Variants in ATXN7 observed in about 807,000 individuals in gnomAD.
ATXN7 encodes the protein ataxin 7.
ATXN7 carries 12 observed loss-of-function variants against 70.5 expected under a neutral mutation model. That is an observed-to-expected ratio of 0.17 (90% CI 0.11 to 0.28). The LOEUF (loss-of-function observed/expected upper bound fraction) is 0.28. Among genes scored for constraint, ATXN7 ranks in the 10% least tolerant of loss-of-function variants. The pLI is 1.00. For missense variants in ATXN7, 1,256 were observed against 1,131.7 expected (o/e 1.11, Z -1.58); for synonymous variants, 498 against 448.7 (o/e 1.11, Z -1.39).
intron 4 of ATXN7, among the ~76,000 whole-genome samples, chr3:63,945,483 T>A (rs556170265): frequency 6.6e-6 from 1 of 152,342 alleles, no homozygotes; most frequent in African/African-American, 2.4e-5. Flanking sequence ...TGTCACTGAA[T>A]GGCATACCCA....
chr3:63,966,624 A>G lies in ATXN7; in HGVS notation c.500-13291A>G, dbSNP rs2075228160. Among the ~76,000 whole-genome samples the G allele has an allele frequency of 2.0e-5, 3 of 152,124 alleles. No homozygotes were observed. The South Asian group carries it at 6.2e-4, about 32-fold the overall frequency. On this transcript the variant is annotated intron_variant, in intron 5 of 12. Transcript: ENST00000674280. Reference sequence around the variant, plus strand: ...CCCCCTGGGTCTTAGTATTGTTGACATGGGTTGGGATCTGAATCCTTGTGA... The same window carrying G: ...CCCCCTGGGTCTTAGTATTGTTGACGTGGGTTGGGATCTGAATCCTTGTGA...
At chr3:63,997,900 T>C in intron 12 of ATXN7, 1 of 985,368 alleles carries the variant, frequency 1.0e-6, no homozygotes, top group Non-Finnish European at 1.2e-6. Context: ...GCATGCATTA[T>C]GGGTTATTAT....
At chr3:63,889,825 C>G (rs1160010631) in intron 1 of ATXN7, among the ~76,000 whole-genome samples, 2 of 152,192 alleles carry the variant, frequency 1.3e-5, no homozygotes, top group Non-Finnish European at 2.9e-5. Context: ...GGTAATCTTG[C>G]AACTAGCAAA....
chr3:63,917,023 G>T, intron 4 of ATXN7, among the ~76,000 whole-genome samples: 1 of 152,008 alleles, frequency 6.6e-6, no homozygotes, highest in African/African-American at 2.4e-5. Context: ...GGGTTCAAGC[G>T]ATTCTCCTAC....
chr3:63,940,402 T>C (rs2074737896), intron 4 of ATXN7, among the ~76,000 whole-genome samples: 1 of 151,354 alleles, frequency 6.6e-6, no homozygotes, highest in Non-Finnish European at 1.5e-5. Flanking sequence ...TAAAGACAGG[T>C]CAGTAGCCAA....
intron 1 of ATXN7, among the ~76,000 whole-genome samples, chr3:63,888,241 T>G (rs1703146536): frequency 6.6e-6 from 1 of 152,182 alleles, no homozygotes; most frequent in African/African-American, 2.4e-5. Context: ...AACATGGTTT[T>G]GGCTATTTTT....
intron 1 of ATXN7, among the ~76,000 whole-genome samples, chr3:63,876,189 C>A (rs1383033137): frequency 2.0e-5 from 3 of 152,064 alleles, no homozygotes; most frequent in African/African-American, 4.8e-5. Context: ...GAGTAAAGTT[C>A]TACATTGAAA....
chr3:63,985,394 C>G (rs1385340559), intron 8 of ATXN7, among the ~76,000 whole-genome samples: 1 of 152,216 alleles, frequency 6.6e-6, no homozygotes, highest in Non-Finnish European at 1.5e-5. Context: ...GTCATGAGAT[C>G]AGCATAGAAC....
intron 5 of ATXN7, among the ~76,000 whole-genome samples, chr3:63,971,789 T>G (rs1257192152): frequency 6.6e-6 from 1 of 152,180 alleles, no homozygotes; most frequent in Non-Finnish European, 1.5e-5. Flanking sequence ...AAAAATATAT[T>G]AAGTAAATAA....
In ATXN7 at chr3:63,980,327, C is replaced by T. The variant is rs150188941; in HGVS notation, c.752+160C>T. Reference sequence around the variant, plus strand: ...GTTTCTTGATGTTTCCCTGTCATGTCATAGGAAACTTTTCAGAGTAGTAAT... The same window carrying T: ...GTTTCTTGATGTTTCCCTGTCATGTTATAGGAAACTTTTCAGAGTAGTAAT... On this transcript the variant is annotated intron_variant, in intron 6 of 12. Coordinates refer to ENST00000674280, the MANE Select transcript of ATXN7 (RefSeq NM_001377405.1). 3 of 1,018,364 alleles carry T rather than the reference C, an allele frequency of 2.9e-6. No homozygotes were observed. In the Admixed American group the frequency reaches 8.4e-5, roughly 29 times the overall value. 63.1% of individuals were successfully genotyped at this position (1,018,364 alleles called of 1,614,324 possible).
intron 1 of ATXN7, chr3:63,878,361 T>C (rs1198337347): frequency 1.3e-5 from 2 of 152,242 alleles, no homozygotes; most frequent in Admixed American, 6.5e-5. Context: ...TAGAGAATTG[T>C]AAGCGTTGGC....
Position 63,912,595 on chromosome 3 carries a change from A to G in ATXN7, c.-4A>G. 9.0e-7 allele frequency: 1 copy of G among 1,105,020 alleles called. No individual in the cohort carries two copies. Among genetic ancestry groups the G allele is most frequent in the South Asian group, 2.5e-5 (1 of 40,652 alleles). The allele number at this position is 1,105,020 out of a possible 1,614,324, so 68.5% of individuals were successfully genotyped here. On this transcript the variant is annotated 5_prime_UTR_variant, in exon 3 of 13. Transcript: ENST00000674280. ...TTTTTTGTTACATTGTAGGAGCGGA[A>G]AGAATGTCGGAGCGGGCCGCGGATG...
intron 4 of ATXN7, among the ~76,000 whole-genome samples, chr3:63,948,512 G>T (rs2074902927): frequency 6.6e-6 from 1 of 152,138 alleles, no homozygotes; most frequent in Non-Finnish European, 1.5e-5. Context: ...GTAGAAGTTT[G>T]GGATGCGTGG....
At chr3:63,976,852 T>C (rs1559653384) in intron 5 of ATXN7, among the ~76,000 whole-genome samples, 2 of 152,030 alleles carry the variant, frequency 1.3e-5, no homozygotes, top group South Asian at 2.1e-4. Context: ...CAGAAAAACA[T>C]AGGAACCTAA....
At position 63,996,350 on chromosome 3, in the gene ATXN7, C is replaced by T. The variant is rs376606208; in HGVS notation, c.2528C>T (p.Ser843Leu). 42 of 1,614,012 alleles carry T rather than the reference C, an allele frequency of 2.6e-5. No homozygotes were observed. Among genetic ancestry groups the T allele is most frequent in the Admixed American group, 2.3e-4 (14 of 59,994 alleles). ...AAGAAAAGAAAGTGCTCACCCAGCT[C>T]GAGCAGCATCAACAACAGCAGCAGC... Reference protein sequence around the residue: ...IGKKRKCSPSSSSINNSSSKP... With the variant: ...IGKKRKCSPSLSSINNSSSKP... The change falls in exon 12 of 13, where the codon TCG becomes TTG. Residue 843 changes from serine to leucine, a missense_variant. Ser to Leu is a moderately radical substitution (Grantham distance 145). Transcript: ENST00000674280.
chr3:63,994,387 AC>A (rs1343451989), intron 11 of ATXN7, among the ~76,000 whole-genome samples: 13 of 152,100 alleles, frequency 8.5e-5, no homozygotes, highest in Admixed American at 7.2e-4. Flanking sequence ...GGTGCACACC[AC>A]CATGCCCGGC....
chr3:63,919,060 C>CT (rs930666820), intron 4 of ATXN7, among the ~76,000 whole-genome samples: 9 of 152,230 alleles, frequency 5.9e-5, no homozygotes, highest in African/African-American at 2.2e-4. Context: ...GTAGCAGGGA[C>CT]TTTTCCCCAG....
In ATXN7 at chr3:63,913,076, C is replaced by T. The variant is rs893539558; in HGVS notation, c.326-81C>T. ...CGGAACGCGGAGGTGCCCACACCTA[C>T]CCCGTGCGTGCGTGAGTGTGCGTCA... On this transcript the variant is annotated intron_variant, in intron 3 of 12. Transcript: ENST00000674280. 6.6e-6 allele frequency: 10 copies of T among 1,506,452 alleles called. No homozygotes were observed. In the African/African-American group the frequency reaches 1.4e-4, roughly 21 times the overall value. The allele number at this position is 1,506,452 out of a possible 1,614,324, so 93.3% of individuals were successfully genotyped here.
chr3:63,971,263 C>T (rs898990777), intron 5 of ATXN7, among the ~76,000 whole-genome samples: 6 of 152,286 alleles, frequency 3.9e-5, no homozygotes, highest in African/African-American at 4.8e-5. Flanking sequence ...GCTAATTGTC[C>T]TTTGAGGCAC....
Sources: gnomAD v4.1 joint callset for allele counts (sites outside exome capture counted in the v4.1 genomes callset) on GRCh38, gnomAD v4.1.1 for gene constraint, MANE v1.5 for transcripts, NCBI Gene and HGNC (gene_info 2026-07-23, HGNC 2026-07-21) for gene names.